The following TRPS1 variants were observed in gnomAD, a reference collection of about 807,000 sequenced individuals.
TRPS1 encodes the protein zinc finger transcription factor Trps1.
A neutral mutation model predicts 101.2 loss-of-function variants in TRPS1; 6 were observed. The observed-to-expected ratio is 0.06, with a 90% CI of 0.03 to 0.12. TRPS1 has a LOEUF of 0.12. TRPS1 is among the 10% of genes least tolerant of loss of function. The pLI, the probability that TRPS1 is intolerant of heterozygous loss-of-function variation, is 1.00. For missense variants in TRPS1, 1,363 were observed against 1,567.0 expected (o/e 0.87, Z 2.20); for synonymous variants, 578 against 589.8 (o/e 0.98, Z 0.29).
intron 1 of TRPS1, among the ~76,000 whole-genome samples, chr8:115,625,635 A>T (rs1336891117): frequency 6.6e-6 from 1 of 151,974 alleles, no homozygotes; most frequent in Admixed American, 6.6e-5. Context: ...AATTTAAGAA[A>T]GAAAGATATG....
chr8:115,429,907 A>G (rs1381403095), intron 5 of TRPS1, among the ~76,000 whole-genome samples: 1 of 152,184 alleles, frequency 6.6e-6, no homozygotes, highest in East Asian at 1.9e-4. Flanking sequence ...TGTGTTAAAG[A>G]AATGTCATTT....
At chr8:115,573,501 C>T (rs1211709051) in intron 5 of TRPS1, among the ~76,000 whole-genome samples, 2 of 152,128 alleles carry the variant, frequency 1.3e-5, no homozygotes, top group Non-Finnish European at 2.9e-5. Context: ...GAAATCACTT[C>T]CCAACATCAT....
In TRPS1 at chr8:115,619,250, A is replaced by G. The variant is rs1818332726; in HGVS notation, c.848T>C (p.Met283Thr). Residue 283 changes from methionine to threonine, a missense_variant, in exon 3 of 7, where the codon ATG becomes ACG. By Grantham distance (81) the Met-to-Thr change is moderately conservative (BLOSUM62 -1). Coordinates refer to ENST00000395715, the MANE Select transcript of TRPS1 (RefSeq NM_014112.5). ...LDSKILALHN[M>T]VQFSHSKDFQ... ...GTCTTTGGAATGGCTGAACTGCACC[A>G]TGTTATGAAGGGCCAAGATTTTGCT... The G allele has an allele frequency of 1.2e-6, 2 of 1,614,008 alleles. No individual in the cohort carries two copies. The highest frequency in any genetic ancestry group is 1.7e-6 in the Non-Finnish European group (2 of 1,179,884).
chr8:115,506,493 A>T (rs1055088712), intron 5 of TRPS1, among the ~76,000 whole-genome samples: 20 of 152,102 alleles, frequency 1.3e-4, no homozygotes, highest in African/African-American at 4.8e-4. Context: ...TAGTTATGAA[A>T]CTATCTTGTT....
At chr8:115,537,280 T>C (rs766074274) in intron 5 of TRPS1, among the ~76,000 whole-genome samples, 1 of 152,226 alleles carries the variant, frequency 6.6e-6, no homozygotes, top group Non-Finnish European at 1.5e-5. Context: ...CGTTCATAGT[T>C]ATGATTCATT....
intron 5 of TRPS1, among the ~76,000 whole-genome samples, chr8:115,429,798 T>A (rs183101071): frequency 6.6e-6 from 1 of 152,302 alleles, no homozygotes; most frequent in African/African-American, 2.4e-5. Context: ...GGCATTATTT[T>A]TCCTCTAGAT....
At chr8:115,580,071 T>C (rs1817406909) in intron 5 of TRPS1, among the ~76,000 whole-genome samples, 1 of 151,916 alleles carries the variant, frequency 6.6e-6, no homozygotes, top group Non-Finnish European at 1.5e-5. Context: ...CAAACATCAA[T>C]GAAACAATTT....
At chr8:115,433,033 A>G (rs1210107418) in intron 5 of TRPS1, among the ~76,000 whole-genome samples, 3 of 152,080 alleles carry the variant, frequency 2.0e-5, no homozygotes, top group African/African-American at 7.2e-5. Flanking sequence ...AAACTCAGAG[A>G]AGACACTCAA....
chr8:115,664,577 A>C (rs752628363), intron 1 of TRPS1, among the ~76,000 whole-genome samples: 1 of 152,162 alleles, frequency 6.6e-6, no homozygotes, highest in African/African-American at 2.4e-5. Context: ...ATGATAAATG[A>C]GTAAACAAGA....
chr8:115,603,522 G>A (rs75008005), intron 4 of TRPS1, among the ~76,000 whole-genome samples: 1 of 152,114 alleles, frequency 6.6e-6, no homozygotes, highest in African/African-American at 2.4e-5. Flanking sequence ...AAAAATATAG[G>A]ATGTGGAGTC....
At chr8:115,476,930 G>A (rs963012549) in intron 5 of TRPS1, among the ~76,000 whole-genome samples, 24 of 152,004 alleles carry the variant, frequency 1.6e-4, no homozygotes, top group African/African-American at 5.3e-4. Flanking sequence ...TATCTCCTTC[G>A]TATGTCTGCA....
intron 5 of TRPS1, among the ~76,000 whole-genome samples, chr8:115,432,662 G>A (rs1483294784): frequency 1.3e-5 from 2 of 151,802 alleles, no homozygotes; most frequent in Admixed American, 1.3e-4. Context: ...AACTTTTAAA[G>A]AAGTAGAAAA....
At chr8:115,504,494 T>A (rs1815393501) in intron 5 of TRPS1, among the ~76,000 whole-genome samples, 1 of 152,220 alleles carries the variant, frequency 6.6e-6, no homozygotes, top group Non-Finnish European at 1.5e-5. Flanking sequence ...TAAATTAATA[T>A]AATTCAGTGC....
At chr8:115,640,204 C>T (rs894301673) in intron 1 of TRPS1, among the ~76,000 whole-genome samples, 5 of 152,102 alleles carry the variant, frequency 3.3e-5, no homozygotes, top group African/African-American at 1.2e-4. Context: ...AGAAATTCCT[C>T]GTGATGGATT....
intron 5 of TRPS1, among the ~76,000 whole-genome samples, chr8:115,570,555 G>A (rs1364379293): frequency 6.6e-6 from 1 of 151,834 alleles, no homozygotes; most frequent in African/African-American, 2.4e-5. Flanking sequence ...GCTAAAGGAG[G>A]AAAATTTGCA....
rs145959639 is a variant in TRPS1, at chr8:115,637,958, C to T, written c.-121-14200G>A. On this transcript the variant is annotated intron_variant, in intron 1 of 6. Transcript: ENST00000395715. ...AAGTTCTTATACCTGTAGCATTTTACCAGGTTTTCCAAATTATTTAAAAAC... is the reference window on the plus strand; with the variant it reads ...AAGTTCTTATACCTGTAGCATTTTATCAGGTTTTCCAAATTATTTAAAAAC... Among the ~76,000 whole-genome samples, 442 of 152,260 alleles carry T rather than the reference C, an allele frequency of 2.9e-3. 3 individuals carry two copies. Among genetic ancestry groups the T allele is most frequent in the African/African-American group, 0.01 (419 of 41,550 alleles).
chr8:115,550,214 A>T (rs1816671550), intron 5 of TRPS1, among the ~76,000 whole-genome samples: 2 of 152,212 alleles, frequency 1.3e-5, no homozygotes, highest in South Asian at 4.1e-4. Context: ...ACTCTGTCTC[A>T]AAAAAGAATG....
At chr8:115,642,902 G>A (rs896344466) in intron 1 of TRPS1, among the ~76,000 whole-genome samples, 11 of 147,708 alleles carry the variant, frequency 7.4e-5, no homozygotes, top group Admixed American at 2.0e-4. Flanking sequence ...ATAACACCTC[G>A]GAGATACTAC....
At chr8:115,630,704 T>G (rs1307866691) in intron 1 of TRPS1, among the ~76,000 whole-genome samples, 2 of 152,038 alleles carry the variant, frequency 1.3e-5, no homozygotes, top group Non-Finnish European at 2.9e-5. Flanking sequence ...TGATTTTAAT[T>G]TGGATGAACA....
Sources: allele counts gnomAD v4.1 joint callset (sites outside exome capture counted in the v4.1 genomes callset), GRCh38; gene constraint gnomAD v4.1.1; transcripts MANE v1.5; gene names NCBI Gene and HGNC (gene_info 2026-07-23, HGNC 2026-07-21).